Variants in RNASEH2B observed in about 807,000 individuals in gnomAD.
The protein encoded by RNASEH2B is ribonuclease H2 subunit B.
A neutral mutation model predicts 45.0 loss-of-function variants in RNASEH2B; 36 were observed. That is an observed-to-expected ratio of 0.80 (90% CI 0.61 to 1.06). The LOEUF is 1.06. Among genes scored for constraint, RNASEH2B ranks in the 50% least tolerant of loss-of-function variants. RNASEH2B has a pLI of 0.00. For synonymous variants in RNASEH2B, 119 were observed against 125.7 expected (o/e 0.95, Z 0.35); for missense variants, 361 against 360.3 (o/e 1.00, Z -0.02).
At chr13:50,926,459 T>C (rs1326075907) in intron 1 of RNASEH2B, among the ~76,000 whole-genome samples, 1 of 152,170 alleles carries the variant, frequency 6.6e-6, no homozygotes, top group Non-Finnish European at 1.5e-5. Flanking sequence ...CCACTCAAAA[T>C]ATATGAAGAG....
At chr13:50,941,034 A>T (rs1323765325) in intron 5 of RNASEH2B, 1 of 152,212 alleles carries the variant, frequency 6.6e-6, no homozygotes, top group Non-Finnish European at 1.5e-5. Flanking sequence ...GGGACAAATC[A>T]TGGTTTATTA....
chr13:50,966,612 A>G (rs368046984), intron 9 of RNASEH2B, among the ~76,000 whole-genome samples: 3 of 151,928 alleles, frequency 2.0e-5, no homozygotes, highest in East Asian at 1.9e-4. Flanking sequence ...AGACCCTGTC[A>G]TCTTTCAAGG....
chr13:50,958,408 T>G (rs1188093014), downstream of RNASEH2B, among the ~76,000 whole-genome samples: 2 of 152,184 alleles, frequency 1.3e-5, no homozygotes, highest in Non-Finnish European at 1.5e-5. Flanking sequence ...TATAGGTGTG[T>G]GGCTTTATTT....
At chr13:50,957,606 A>C (rs1295341033), downstream of RNASEH2B, among the ~76,000 whole-genome samples, 5 of 152,110 alleles carry the variant, frequency 3.3e-5, no homozygotes, top group Admixed American at 3.3e-4. Context: ...TTTTCCTTTG[A>C]GTACATAGCC....
downstream of RNASEH2B, among the ~76,000 whole-genome samples, chr13:50,957,127 T>G (rs540091370): frequency 6.6e-6 from 1 of 151,064 alleles, no homozygotes; most frequent in South Asian, 2.1e-4. Context: ...ACTCAGGGGG[T>G]ACATATGCAG....
intron 7 of RNASEH2B, 152 bp from the exon 8 acceptor site, chr13:50,947,835 C>T: frequency 8.0e-7 from 1 of 1,244,790 alleles, no homozygotes; most frequent in South Asian, 1.4e-5. Context: ...TTACTATCCC[C>T]ATTTTACAAA....
chr13:50,960,494 T>C (rs1037663206), downstream of RNASEH2B, among the ~76,000 whole-genome samples: 3 of 152,272 alleles, frequency 2.0e-5, no homozygotes, highest in East Asian at 3.9e-4. Context: ...TATCCATCCT[T>C]TTATACTTAG....
In RNASEH2B at chr13:50,909,958, G is replaced by A; in HGVS notation, c.-119G>A. 1.2e-6 allele frequency: 1 copy of A among 805,954 alleles called. No individual in the cohort carries two copies. Among genetic ancestry groups the A allele is most frequent in the Non-Finnish European group, 1.8e-6 (1 of 546,096 alleles). The allele number at this position is 805,954 out of a possible 1,614,324, so 49.9% of individuals were successfully genotyped here. On this transcript the variant is annotated 5_prime_UTR_variant, in exon 1 of 11. Coordinates refer to ENST00000336617, the MANE Select transcript of RNASEH2B (RefSeq NM_024570.4). Reference sequence around the variant, plus strand: ...GTCCCTGGGCCTCCTCCCGGGCGCTGCCGGTCCCTCAGCGCGCCGCGCCAC... The same window carrying A: ...GTCCCTGGGCCTCCTCCCGGGCGCTACCGGTCCCTCAGCGCGCCGCGCCAC...
intron 9 of RNASEH2B, among the ~76,000 whole-genome samples, chr13:50,965,509 C>T (rs1011146419): frequency 3.9e-5 from 6 of 152,196 alleles, no homozygotes; most frequent in African/African-American, 1.4e-4. Context: ...GAGAATTAAC[C>T]AACCAACCAA....
chr13:50,935,347 A>C (rs1410979999), intron 5 of RNASEH2B: 1 of 313,586 alleles, frequency 3.2e-6, no homozygotes, highest in East Asian at 7.3e-5. Context: ...CCTGTACCTT[A>C]ATAGATGGAA....
chr13:50,962,159 G>A (rs1952118505), intron 9 of RNASEH2B, among the ~76,000 whole-genome samples: 1 of 151,980 alleles, frequency 6.6e-6, no homozygotes, highest in East Asian at 1.9e-4. Context: ...ATTGGTCTGT[G>A]GTTTTCTTTA....
intron 4 of RNASEH2B, among the ~76,000 whole-genome samples, chr13:50,933,226 GCTCCCC>G (rs1378973024): frequency 6.6e-6 from 1 of 152,168 alleles, no homozygotes; most frequent in Non-Finnish European, 1.5e-5. Context: ...TGCACTTAAG[GCTCCCC>G]CTCCCCTTTT....
chr13:50,969,234 G>A (rs975521653), intron 9 of RNASEH2B, among the ~76,000 whole-genome samples: 3 of 152,116 alleles, frequency 2.0e-5, no homozygotes, highest in African/African-American at 7.2e-5. Flanking sequence ...TGAATTCTGG[G>A]GAGTGGGTGG....
intron 8 of RNASEH2B, 122 bp downstream of exon 8, chr13:50,948,190 G>A: frequency 1.3e-6 from 2 of 1,487,654 alleles, no homozygotes; most frequent in Non-Finnish European, 1.8e-6. Flanking sequence ...CTTCAGCTAT[G>A]TCATATACTT....
chr13:50,958,462 G>T (rs553532107), downstream of RNASEH2B, among the ~76,000 whole-genome samples: 14 of 152,096 alleles, frequency 9.2e-5, no homozygotes, highest in South Asian at 2.9e-3. Flanking sequence ...GTCTGTTTTT[G>T]TATCAGTACT....
intron 1 of RNASEH2B, among the ~76,000 whole-genome samples, chr13:50,916,752 G>A (rs1328231510): frequency 3.9e-5 from 6 of 152,178 alleles, no homozygotes; most frequent in Non-Finnish European, 8.8e-5. Context: ...GTCTGCCTTA[G>A]TATGGAAATT....
intron 6 of RNASEH2B, among the ~76,000 whole-genome samples, chr13:50,944,082 G>A (rs928747567): frequency 2.0e-5 from 3 of 151,692 alleles, no homozygotes; most frequent in African/African-American, 7.3e-5. Flanking sequence ...GATGGGATGG[G>A]TTAAAATATA....
intron 9 of RNASEH2B, chr13:50,952,280 T>C (rs953016444): frequency 6.6e-6 from 1 of 152,234 alleles, no homozygotes; most frequent in Admixed American, 6.5e-5. Flanking sequence ...CTTTTTGTGT[T>C]TTGAAAATAT....
At chr13:50,952,664 G>C (rs1235592499) in intron 9 of RNASEH2B, 1 of 152,204 alleles carries the variant, frequency 6.6e-6, no homozygotes, top group Non-Finnish European at 1.5e-5. Context: ...GCCTCCCAAA[G>C]TGCTGGGATT....
Sources: gnomAD v4.1 joint callset for allele counts (sites outside exome capture counted in the v4.1 genomes callset) on GRCh38, gnomAD v4.1.1 for gene constraint, MANE v1.5 for transcripts, NCBI Gene and HGNC (gene_info 2026-07-23, HGNC 2026-07-21) for gene names.